Variants in GON4L observed in about 807,000 individuals in gnomAD.
The protein encoded by GON4L is GON-4-like protein.
GON4L carries 87 observed loss-of-function variants against 211.8 expected under a neutral mutation model. That is an observed-to-expected ratio of 0.41 (90% CI 0.35 to 0.49). The LOEUF (loss-of-function observed/expected upper bound fraction) is 0.49. Among genes scored for constraint, GON4L ranks in the 20% least tolerant of loss-of-function variants. The pLI is 0.15. For synonymous variants in GON4L, 875 were observed against 962.6 expected (o/e 0.91, Z 1.68); for missense variants, 2,155 against 2,659.5 (o/e 0.81, Z 4.17).
chr1:155,805,707 TGA>T (rs1667062417), intron 10 of GON4L, among the ~76,000 whole-genome samples: 1 of 151,898 alleles, frequency 6.6e-6, no homozygotes. Flanking sequence ...TTTTTTTTTT[TGA>T]GACATAGTCT....
At chr1:155,837,384 A>C (rs533869778) in intron 2 of GON4L, among the ~76,000 whole-genome samples, 62 of 152,170 alleles carry the variant, frequency 4.1e-4, no homozygotes, top group African/African-American at 1.3e-3. Flanking sequence ...CCTGAACAAC[A>C]ACCCCTCTCT....
chr1:155,765,441 A>G lies in GON4L; in HGVS notation c.4032T>C (p.Ile1344=). 2 of 1,614,102 alleles carry G rather than the reference A, an allele frequency of 1.2e-6. No individual in the cohort carries two copies. The highest frequency in any genetic ancestry group is 2.2e-5 in the South Asian group (2 of 91,084). Reference sequence around the variant, plus strand: ...CATGTTCCACTTTGATGTCATCACAAATATCACGCTCAGGGGATCCACTGA... The same window carrying G: ...CATGTTCCACTTTGATGTCATCACAGATATCACGCTCAGGGGATCCACTGA... ...EEISGSPERD[I]CDDIKVEHAV... The change falls in exon 21 of 32, where the codon ATT becomes ATC. Residue 1344 remains isoleucine (I), a synonymous_variant. Coordinates refer to ENST00000368331, the MANE Select transcript of GON4L (RefSeq NM_001282860.2).
In GON4L at chr1:155,760,409, G is replaced by A. The variant is rs756068295; in HGVS notation, c.5109+35C>T. ...CAATCCCAGTCTCACTCTGACCCAG[G>A]AGTCCCAGTGTACTTTTTTTCCCCA... On this transcript the variant is annotated intron_variant, in intron 24 of 31. Coordinates refer to ENST00000368331, the MANE Select transcript of GON4L (RefSeq NM_001282860.2). The A allele has an allele frequency of 9.1e-6, 12 of 1,319,584 alleles. No homozygotes were observed. The East Asian group carries it at 2.3e-4, about 25-fold the overall frequency. 81.7% of individuals were successfully genotyped at this position (1,319,584 alleles called of 1,614,324 possible).
At chr1:155,842,104 TCC>T (rs1414336845) in intron 2 of GON4L, among the ~76,000 whole-genome samples, 2 of 151,622 alleles carry the variant, frequency 1.3e-5, no homozygotes, top group Non-Finnish European at 2.9e-5. Context: ...CACTATACCT[TCC>T]CCCCGCTCCC....
downstream of GON4L, chr1:155,747,803 G>A (rs1660293799): frequency 1.2e-6 from 2 of 1,612,060 alleles, no homozygotes; most frequent in African/African-American, 1.3e-5. Context: ...GCTTCTCTGG[G>A]GTAGGCGCGA....
intron 19 of GON4L, among the ~76,000 whole-genome samples, chr1:155,768,930 G>C (rs2101776874): frequency 6.6e-6 from 1 of 152,206 alleles, no homozygotes; most frequent in East Asian, 1.9e-4. Flanking sequence ...CTTCACGTTT[G>C]AGTTGTGTGT....
intron 10 of GON4L, among the ~76,000 whole-genome samples, chr1:155,807,520 C>A (rs1265425222): frequency 2.0e-5 from 3 of 151,726 alleles, no homozygotes; most frequent in Non-Finnish European, 4.4e-5. Flanking sequence ...TCCTGGCTAA[C>A]AGTGAAACCC....
chr1:155,826,715 A>C (rs1295719812), intron 3 of GON4L, 122 bp downstream of exon 3: 2 of 706,094 alleles, frequency 2.8e-6, no homozygotes, highest in Admixed American at 4.7e-5. Context: ...TCCTGCTTAC[A>C]AGGGTGTATT....
In GON4L at chr1:155,809,992, T is replaced by TTA. The variant is rs376035223; in HGVS notation, c.1452+3640_1452+3641dup. On this transcript the variant is annotated intron_variant, in intron 10 of 31. Coordinates refer to ENST00000368331, the MANE Select transcript of GON4L (RefSeq NM_001282860.2). ...AATTATAAATTATATATATATATAA[T>TTA]TATATATATATATATATTTTTGAAA... Among the ~76,000 whole-genome samples, 11 of 11,688 alleles carry TTA rather than the reference T, an allele frequency of 9.4e-4. 3 individuals are homozygous for TTA. Among genetic ancestry groups the TTA allele is most frequent in the African/African-American group, 1.3e-3 (11 of 8,566 alleles). The allele number at this position is 11,688 out of a possible 152,430, so 7.7% of individuals were successfully genotyped here.
chr1:155,851,578 C>T (rs571417166), intron 2 of GON4L, among the ~76,000 whole-genome samples: 2 of 150,124 alleles, frequency 1.3e-5, no homozygotes, highest in East Asian at 4.0e-4. Flanking sequence ...TAGCTGAGCA[C>T]GGTGGCGGGC....
rs771136495 is a variant in GON4L at position 155,766,245 on chromosome 1, G to C, written c.3228C>G (p.Pro1076=). The C allele has an allele frequency of 1.2e-6, 2 of 1,614,102 alleles. No individual in the cohort carries two copies. The highest frequency in any genetic ancestry group is 4.5e-5 in the East Asian group (2 of 44,882). The part of the protein sequence containing the change: ...FESPAALPAV[P]PEARTSFPLS... ...GAGGGAAGCTTGTCCTGGCCTCAGG[G>C]GGCACAGCAGGCAGTGCTGCAGGAG... The change falls in exon 21 of 32, where the codon CCC becomes CCG. Residue 1076 remains proline (P), a synonymous_variant. Transcript: ENST00000368331.
chr1:155,777,551 G>A lies in GON4L; in HGVS notation c.2091+71C>T, dbSNP rs556585844. The A allele has an allele frequency of 1.2e-5, 14 of 1,161,640 alleles. No homozygotes were observed. The South Asian group carries it at 1.6e-4, about 13-fold the overall frequency. 72.0% of individuals were successfully genotyped at this position (1,161,640 alleles called of 1,614,324 possible). A position where few individuals can be genotyped will look rare whatever the true frequency, so the allele number is the denominator to read the frequency against. On this transcript the variant is annotated intron_variant, in intron 15 of 31. Coordinates refer to ENST00000368331, the MANE Select transcript of GON4L (RefSeq NM_001282860.2). The stretch of plus-strand genomic sequence containing the variant: ...CCGATATCGGGCCACTGCACTCCAG[G>A]CTGGGAGACAGAGCCAGACTCTGTC...
intron 9 of GON4L, 40 bp downstream of exon 9, chr1:155,814,286 TAGAC>T: frequency 6.4e-7 from 1 of 1,560,512 alleles, no homozygotes; most frequent in South Asian, 1.1e-5. Context: ...AAAATCTACT[TAGAC>T]AGTTATGTCT....
Position 155,767,507 on chromosome 1 carries a change from C to T in GON4L, c.2681G>A (p.Gly894Glu). The T allele has an allele frequency of 6.2e-7, 1 of 1,610,652 alleles. No individual in the cohort carries two copies. The highest frequency in any genetic ancestry group is 8.5e-7 in the Non-Finnish European group (1 of 1,177,200). ...TGGCTGGATCTCTTCACAGCATTTT[C>T]CTAGGACTGGCAGCTGTTTGGTCTT... is the stretch of plus-strand genomic sequence containing the variant. ...YKKTKQLPVLGKCCEEIQPHQ... is the reference protein window; with the variant it reads ...YKKTKQLPVLEKCCEEIQPHQ... The change falls in exon 20 of 32, where the codon GGA becomes GAA. Residue 894 changes from glycine (G) to glutamate (E), a missense_variant. Coordinates refer to ENST00000368331, the MANE Select transcript of GON4L (RefSeq NM_001282860.2).
chr1:155,779,624 C>G (rs1348019527), intron 14 of GON4L, among the ~76,000 whole-genome samples: 1 of 151,968 alleles, frequency 6.6e-6, no homozygotes, highest in Non-Finnish European at 1.5e-5. Context: ...ACAGATCTTA[C>G]CCTGACTGCA....
Position 155,814,412 on chromosome 1 carries a change from G to C in GON4L, c.1199C>G (p.Ser400Cys), listed in dbSNP as rs1482087855. 1 of 1,613,382 alleles carries C rather than the reference G, an allele frequency of 6.2e-7. No homozygotes were observed. The highest frequency in any genetic ancestry group is 8.5e-7 in the Non-Finnish European group (1 of 1,179,358). Residue 400 changes from serine to cysteine, a missense_variant, in exon 9 of 32, where the codon TCT becomes TGT. Transcript: ENST00000368331. ...LESDVESTAS[S>C]PRGAKKSRLR... ...TCTGGATTTCTTTGCCCCACGTGGA[G>C]ATGAAGCAGTGCTTTCAACATCACT... is the stretch of plus-strand genomic sequence containing the variant.
intron 15 of GON4L, among the ~76,000 whole-genome samples, chr1:155,776,957 C>T (rs940150208): frequency 2.0e-5 from 3 of 152,184 alleles, no homozygotes; most frequent in Non-Finnish European, 4.4e-5. Context: ...ATCTCTCAGA[C>T]ATGTTCCCTT....
intron 12 of GON4L, among the ~76,000 whole-genome samples, chr1:155,789,039 G>A (rs1342344858): frequency 6.7e-6 from 1 of 148,904 alleles, no homozygotes; most frequent in African/African-American, 2.5e-5. Flanking sequence ...GCAGTGAGCC[G>A]CACCACTGCA....
intron 18 of GON4L, among the ~76,000 whole-genome samples, chr1:155,772,094 A>T (rs766294912): frequency 1.2e-4 from 18 of 152,070 alleles, no homozygotes; most frequent in Non-Finnish European, 2.6e-4. Flanking sequence ...CGAAGGTTGC[A>T]GTGAGCCGAG....
Sources: allele counts gnomAD v4.1 joint callset (sites outside exome capture counted in the v4.1 genomes callset), GRCh38; gene constraint gnomAD v4.1.1; transcripts MANE v1.5; gene names NCBI Gene and HGNC (gene_info 2026-07-23, HGNC 2026-07-21).